The following ETV1 variants were observed in gnomAD, a reference collection of about 807,000 sequenced individuals.
ETV1 encodes the protein ETS translocation variant 1.
A neutral mutation model predicts 62.3 loss-of-function variants in ETV1; 27 were observed. The ratio of observed to expected loss-of-function variants is 0.43; its 90% CI spans 0.32 to 0.60. The LOEUF (loss-of-function observed/expected upper bound fraction) is 0.60. Among genes scored for constraint, ETV1 ranks in the 20% least tolerant of loss-of-function variants. ETV1 has a pLI of 0.06. For missense variants in ETV1, 605 were observed against 605.8 expected (o/e 1.00, Z 0.01); for synonymous variants, 222 against 199.6 (o/e 1.11, Z -0.94).
At chr7:13,928,482 CG>C (rs1436182738) in intron 9 of ETV1, among the ~76,000 whole-genome samples, 3 of 151,820 alleles carry the variant, frequency 2.0e-5, no homozygotes, top group Non-Finnish European at 4.4e-5. Context: ...GGCATGGTGG[CG>C]CATGCCTGTA....
intron 6 of ETV1, among the ~76,000 whole-genome samples, chr7:13,939,469 C>G (rs950052041): frequency 6.6e-6 from 1 of 152,110 alleles, no homozygotes; most frequent in African/African-American, 2.4e-5. Context: ...CTTGAATTTT[C>G]TCTCATTACT....
chr7:13,959,433 G>T (rs1361769590), intron 6 of ETV1, among the ~76,000 whole-genome samples: 3 of 152,084 alleles, frequency 2.0e-5, no homozygotes, highest in African/African-American at 7.2e-5. Flanking sequence ...CTTTTAGAAG[G>T]CAGGAATCAT....
Position 13,895,523 on chromosome 7 carries a change from T to G in ETV1, c.*343A>C, listed in dbSNP as rs1429455312. 5 of 295,082 alleles carry G rather than the reference T, an allele frequency of 1.7e-5. No individual in the cohort carries two copies. In the East Asian group the frequency reaches 2.4e-4, roughly 14 times the overall value. 18.3% of individuals were successfully genotyped at this position (295,082 alleles called of 1,614,324 possible). ...CCGATAAAATAAACATTATCTTATG[T>G]TGTTATGAAATCAAACAGACATGAT... On this transcript the variant is annotated 3_prime_UTR_variant, in exon 14 of 14. Transcript: ENST00000430479.
rs1051690267 is a variant in ETV1, at chr7:13,954,088, A to G, written c.236-14842T>C. On this transcript the variant is annotated intron_variant, in intron 6 of 13. Coordinates refer to ENST00000430479, the MANE Select transcript of ETV1 (RefSeq NM_004956.5). The stretch of plus-strand genomic sequence containing the variant: ...ACTACCAAATACTAATATGCCTGTC[A>G]TGGCTTTGAAATAATAACTACTAAA... Among the ~76,000 whole-genome samples the G allele has an allele frequency of 5.3e-5, 8 of 152,330 alleles. No homozygotes were observed. The East Asian group carries it at 1.5e-3, about 29-fold the overall frequency.
chr7:13,914,586 T>A (rs1267956788), intron 9 of ETV1, among the ~76,000 whole-genome samples: 1 of 150,874 alleles, frequency 6.6e-6, no homozygotes, highest in Non-Finnish European at 1.5e-5. Context: ...TCAGTAAAGT[T>A]CTCTTCAAAT....
At position 13,891,394 on chromosome 7, in the gene ETV1, T is replaced by A. The variant is rs1226822069; in HGVS notation, c.*4472A>T. 8.6e-6 allele frequency: 2 copies of A among 231,496 alleles called. No homozygotes were observed. Among genetic ancestry groups the A allele is most frequent in the Admixed American group, 5.6e-5 (1 of 17,746 alleles). The allele number at this position is 231,496 out of a possible 1,614,324, so 14.3% of individuals were successfully genotyped here. A position where few individuals can be genotyped will look rare whatever the true frequency, so the allele number is the denominator to read the frequency against. Reference sequence around the variant, plus strand: ...TAGAAGCATAAATATAATTTTAGAATGAAAGTAACTAATACTGGAGTCTAT... The same window carrying A: ...TAGAAGCATAAATATAATTTTAGAAAGAAAGTAACTAATACTGGAGTCTAT... On this transcript the variant is annotated 3_prime_UTR_variant, in exon 14 of 14. Transcript: ENST00000430479.
chr7:13,956,670 A>G lies in ETV1; in HGVS notation c.236-17424T>C, dbSNP rs78626285. Among the ~76,000 whole-genome samples, 1,410 of 152,340 alleles carry G rather than the reference A, an allele frequency of 9.3e-3. 34 individuals are homozygous for G. Among genetic ancestry groups the G allele is most frequent in the African/African-American group, 0.033 (1,364 of 41,558 alleles). On this transcript the variant is annotated intron_variant, in intron 6 of 13. Transcript: ENST00000430479. ...TCAGCATGGAAGCAATAATACTTGAACATTACAAATCTTTTTACTTCTATC... is the reference window on the plus strand; with the variant it reads ...TCAGCATGGAAGCAATAATACTTGAGCATTACAAATCTTTTTACTTCTATC...
At chr7:13,929,668 G>A (rs1322892336) in intron 9 of ETV1, among the ~76,000 whole-genome samples, 2 of 152,142 alleles carry the variant, frequency 1.3e-5, no homozygotes, top group Non-Finnish European at 2.9e-5. Flanking sequence ...GGAGCAATGT[G>A]CTCTGGTTTC....
rs1484905311 is a variant in ETV1 at position 13,943,385 on chromosome 7, A to G, written c.236-4139T>C. Among the ~76,000 whole-genome samples, 3 of 152,346 alleles carry G rather than the reference A, an allele frequency of 2.0e-5. No individual in the cohort carries two copies. In the East Asian group the frequency reaches 5.8e-4, roughly 29 times the overall value. On this transcript the variant is annotated intron_variant, in intron 6 of 13. Transcript: ENST00000430479. Reference sequence around the variant, plus strand: ...GACATTATGAAGTTTTGGTGAAGACATGAAGCAATGGGAACTTTTATACAA... The same window carrying G: ...GACATTATGAAGTTTTGGTGAAGACGTGAAGCAATGGGAACTTTTATACAA...
intron 6 of ETV1, among the ~76,000 whole-genome samples, chr7:13,945,701 G>C (rs1183757233): frequency 2.6e-5 from 4 of 151,944 alleles, no homozygotes; most frequent in East Asian, 1.9e-4. Context: ...CCATTAGAGA[G>C]GGCTGAGTTG....
At chr7:13,982,551 A>G (rs1370082982) in intron 5 of ETV1, among the ~76,000 whole-genome samples, 2 of 152,002 alleles carry the variant, frequency 1.3e-5, no homozygotes, top group Non-Finnish European at 2.9e-5. Flanking sequence ...TCAAACTCAA[A>G]TGGGAAGTCT....
At chr7:13,977,102 A>C (rs976219593) in intron 6 of ETV1, among the ~76,000 whole-genome samples, 2 of 152,208 alleles carry the variant, frequency 1.3e-5, no homozygotes, top group African/African-American at 4.8e-5. Context: ...GGAAGTAAAC[A>C]TGTGCATGTT....
intron 12 of ETV1, among the ~76,000 whole-genome samples, chr7:13,903,360 A>G (rs779897470): frequency 2.0e-5 from 3 of 152,218 alleles, no homozygotes; most frequent in Non-Finnish European, 4.4e-5. Flanking sequence ...CCTGATAACA[A>G]CAATCAGGGC....
At chr7:13,965,062 C>T (rs1471088061) in intron 6 of ETV1, among the ~76,000 whole-genome samples, 1 of 152,140 alleles carries the variant, frequency 6.6e-6, no homozygotes, top group Admixed American at 6.6e-5. Flanking sequence ...GCTGCTACTA[C>T]TACTACTGCC....
intron 13 of ETV1, among the ~76,000 whole-genome samples, chr7:13,899,661 C>A (rs1368106253): frequency 6.6e-6 from 1 of 152,106 alleles, no homozygotes; most frequent in East Asian, 1.9e-4. Context: ...ATAGGTAAAT[C>A]ATAAACTTGG....
At chr7:13,915,935 T>C (rs1442799604) in intron 9 of ETV1, among the ~76,000 whole-genome samples, 3 of 152,210 alleles carry the variant, frequency 2.0e-5, no homozygotes, top group African/African-American at 7.2e-5. Context: ...TATAACATCT[T>C]AGTTACTAAA....
intron 6 of ETV1, among the ~76,000 whole-genome samples, chr7:13,971,670 G>A (rs1417791272): frequency 6.6e-6 from 1 of 152,150 alleles, no homozygotes; most frequent in African/African-American, 2.4e-5. Context: ...AAGATAAAAT[G>A]TAAATGTGAA....
chr7:13,918,430 A>T (rs62454578), intron 9 of ETV1, among the ~76,000 whole-genome samples: 3 of 152,030 alleles, frequency 2.0e-5, no homozygotes, highest in African/African-American at 7.3e-5. Context: ...CACATGCACA[A>T]GTATGTTTAT....
chr7:13,938,288 G>C (rs191073556), intron 7 of ETV1, among the ~76,000 whole-genome samples: 1 of 152,112 alleles, frequency 6.6e-6, no homozygotes, highest in African/African-American at 2.4e-5. Context: ...AACAGCGTAT[G>C]CAATAAATAT....
Sources: allele counts gnomAD v4.1 joint callset (sites outside exome capture counted in the v4.1 genomes callset), GRCh38; gene constraint gnomAD v4.1.1; transcripts MANE v1.5; gene names NCBI Gene and HGNC (gene_info 2026-07-23, HGNC 2026-07-21).